MCUR1: variants seen among roughly 807,000 people sequenced by gnomAD.
MCUR1 encodes MCU regulator 1.
MCUR1 carries 37 observed loss-of-function variants against 42.0 expected under a neutral mutation model. The ratio of observed to expected loss-of-function variants is 0.88; its 90% CI spans 0.68 to 1.16. The LOEUF is 1.16. Among genes scored for constraint, MCUR1 ranks in the 50% most tolerant of loss-of-function variants. The pLI, the probability that MCUR1 is intolerant of heterozygous loss-of-function variation, is 0.00. For missense variants in MCUR1, 469 were observed against 468.4 expected (o/e 1.00, Z -0.01); for synonymous variants, 229 against 196.2 (o/e 1.17, Z -1.40).
chr6:13,793,992 T>A, intron 6 of MCUR1, 45 bp from the exon 7 acceptor site: 1 of 1,561,988 alleles, frequency 6.4e-7, no homozygotes, highest in Non-Finnish European at 8.8e-7. Flanking sequence ...TCTACTCCTC[T>A]CTCTTCTCCT....
At chr6:13,792,851 TCA>T (rs1194729888) in intron 7 of MCUR1, among the ~76,000 whole-genome samples, 18 of 152,186 alleles carry the variant, frequency 1.2e-4, no homozygotes, top group Non-Finnish European at 1.3e-4. Flanking sequence ...CTTGGGGGTT[TCA>T]GAGGTCCCAG....
chr6:13,804,469 G>C (rs1188578509), intron 2 of MCUR1, among the ~76,000 whole-genome samples: 1 of 151,536 alleles, frequency 6.6e-6, no homozygotes, highest in Non-Finnish European at 1.5e-5. Flanking sequence ...GGAGGAGAAA[G>C]GGATATGAAA....
intron 1 of MCUR1, among the ~76,000 whole-genome samples, chr6:13,808,927 GTTTT>G (rs986403796): frequency 6.6e-6 from 1 of 151,790 alleles, no homozygotes; most frequent in Non-Finnish European, 1.5e-5. Context: ...ATCAGAAAGT[GTTTT>G]TTTTGTTGTT....
intron 6 of MCUR1, among the ~76,000 whole-genome samples, chr6:13,796,291 CT>C (rs369077522): frequency 1.7e-3 from 240 of 139,114 alleles, no homozygotes; most frequent in Non-Finnish European, 2.1e-3. Flanking sequence ...TTTTTCTTTT[CT>C]TTTTTTTTTT....
intron 5 of MCUR1, among the ~76,000 whole-genome samples, chr6:13,799,827 C>CTTTT (rs542304036): frequency 1.2e-4 from 12 of 96,200 alleles, no homozygotes; most frequent in South Asian, 3.9e-4. Flanking sequence ...ACACAATTTT[C>CTTTT]TTTTTTTTTT....
At position 13,806,884 on chromosome 6, in the gene MCUR1, T is replaced by C. The variant is rs1760121883; in HGVS notation, c.535+41A>G. 2.0e-6 allele frequency: 3 copies of C among 1,533,450 alleles called. No homozygotes were observed. In the South Asian group the frequency reaches 3.7e-5, roughly 19 times the overall value. The allele number at this position is 1,533,450 out of a possible 1,614,324, so 95.0% of individuals were successfully genotyped here. A position where few individuals can be genotyped will look rare whatever the true frequency, so the allele number is the denominator to read the frequency against. On this transcript the variant is annotated intron_variant, in intron 2 of 8. Coordinates refer to ENST00000379170, the MANE Select transcript of MCUR1 (RefSeq NM_001031713.4). ...CCATAAGAGAAGTCATAATTTAAAG[T>C]GTTTTTCTAAGGCACTAAATGACGA... is the stretch of plus-strand genomic sequence containing the variant.
chr6:13,792,301 T>A (rs756650134), intron 7 of MCUR1, among the ~76,000 whole-genome samples: 3 of 152,224 alleles, frequency 2.0e-5, no homozygotes, highest in Non-Finnish European at 2.9e-5. Context: ...TGAAAAAGCA[T>A]TTGTAAGCTC....
chr6:13,795,690 G>A (rs1759839555), intron 6 of MCUR1, among the ~76,000 whole-genome samples: 1 of 152,140 alleles, frequency 6.6e-6, no homozygotes, highest in Non-Finnish European at 1.5e-5. Flanking sequence ...GCTAAGCTAT[G>A]ATGCAAAGGC....
intron 1 of MCUR1, among the ~76,000 whole-genome samples, chr6:13,809,727 C>CAA (rs771632728): frequency 6.7e-5 from 8 of 119,580 alleles, no homozygotes; most frequent in African/African-American, 2.1e-4. Flanking sequence ...GACCTCCTCT[C>CAA]AAAAAAAAAA....
At chr6:13,793,998 C>T in intron 6 of MCUR1, 51 bp from the exon 7 acceptor site, 1 of 1,546,756 alleles carries the variant, frequency 6.5e-7, no homozygotes, top group African/African-American at 1.4e-5. Flanking sequence ...CCTCTCTCTT[C>T]TCCTTCTCTG....
intron 1 of MCUR1, among the ~76,000 whole-genome samples, chr6:13,807,669 G>C (rs1482552043): frequency 6.6e-6 from 1 of 152,170 alleles, no homozygotes; most frequent in African/African-American, 2.4e-5. Context: ...TGGATCATAT[G>C]ATAACTCCAT....
intron 2 of MCUR1, among the ~76,000 whole-genome samples, chr6:13,804,790 CAAAAAAA>C (rs971958696): frequency 7.9e-5 from 4 of 50,456 alleles, no homozygotes; most frequent in African/African-American, 1.6e-4. Flanking sequence ...ACTCTGTCTC[CAAAAAAA>C]AAAAAAAAAA....
intron 1 of MCUR1, among the ~76,000 whole-genome samples, chr6:13,812,011 TG>T (rs1377237624): frequency 1.2e-4 from 18 of 152,290 alleles, no homozygotes; most frequent in African/African-American, 4.3e-4. Context: ...AATGCCCTCT[TG>T]GCCTTCTGTC....
intron 6 of MCUR1, 41 bp from the exon 7 acceptor site, chr6:13,793,988 C>T (rs1213253306): frequency 2.5e-6 from 4 of 1,574,214 alleles, no homozygotes; most frequent in Non-Finnish European, 3.5e-6. Context: ...CTGATCTACT[C>T]CTCTCTCTTC....
Position 13,798,091 on chromosome 6 carries a change from T to C in MCUR1, c.855+742A>G, listed in dbSNP as rs958953835. Among the ~76,000 whole-genome samples the C allele has an allele frequency of 2.6e-5, 4 of 151,816 alleles. No homozygotes were observed. In the South Asian group the frequency reaches 6.2e-4, roughly 24 times the overall value. ...TTCTCACTGCACTTAAAAGACAACA[T>C]AGAAATTTTCTTTTTTTTTTTGAGA... On this transcript the variant is annotated intron_variant, in intron 6 of 8. Coordinates refer to ENST00000379170, the MANE Select transcript of MCUR1 (RefSeq NM_001031713.4).
intron 2 of MCUR1, among the ~76,000 whole-genome samples, chr6:13,806,159 C>A (rs2113474282): frequency 6.6e-6 from 1 of 152,030 alleles, no homozygotes; most frequent in South Asian, 2.1e-4. Context: ...GAGGCTGAGG[C>A]AGGAGAATCG....
At chr6:13,813,965 C>A (rs1488110025) in intron 1 of MCUR1, 50 bp downstream of exon 1, 10 of 1,225,074 alleles carry the variant, frequency 8.2e-6, no homozygotes, top group Non-Finnish European at 1.0e-5. Context: ...CCCGCCCCGC[C>A]GTCCAACCCC....
chr6:13,805,868 T>G (rs1760101537), intron 2 of MCUR1, among the ~76,000 whole-genome samples: 1 of 152,268 alleles, frequency 6.6e-6, no homozygotes, highest in South Asian at 2.1e-4. Flanking sequence ...CCCTACATTC[T>G]AAGTCTAAAG....
At chr6:13,806,257 AAAAG>A (rs1390570157) in intron 2 of MCUR1, among the ~76,000 whole-genome samples, 3 of 152,168 alleles carry the variant, frequency 2.0e-5, no homozygotes, top group African/African-American at 7.2e-5. Flanking sequence ...ATCTCAAAAA[AAAAG>A]AAAGAAAAAG....
Sources: allele counts gnomAD v4.1 joint callset (sites outside exome capture counted in the v4.1 genomes callset), GRCh38; gene constraint gnomAD v4.1.1; transcripts MANE v1.5; gene names NCBI Gene and HGNC (gene_info 2026-07-23, HGNC 2026-07-21).